PCSK6: variants seen among roughly 807,000 people sequenced by gnomAD.
The protein encoded by PCSK6 is proprotein convertase subtilisin/kexin type 6, also known as paired basic amino acid cleaving enzyme 4.
Under a neutral mutation model 123.3 loss-of-function variants are expected in PCSK6, and 85 were observed. That is an observed-to-expected ratio of 0.69 (90% CI 0.58 to 0.83). PCSK6 has a LOEUF of 0.83. PCSK6 is among the 40% of genes least tolerant of loss of function. The pLI, the probability that PCSK6 is intolerant of heterozygous loss-of-function variation, is 0.00. For missense variants in PCSK6, 1,191 were observed against 1,282.3 expected (o/e 0.93, Z 1.09); for synonymous variants, 508 against 516.0 (o/e 0.98, Z 0.21).
intron 1 of PCSK6, among the ~76,000 whole-genome samples, chr15:101,449,781 G>A (rs1192564470): frequency 6.6e-6 from 1 of 152,164 alleles, no homozygotes; most frequent in East Asian, 1.9e-4. Flanking sequence ...ATACCGAGAA[G>A]ACAGGCCCAG....
At chr15:101,353,850 G>T (rs1024089277) in intron 13 of PCSK6, among the ~76,000 whole-genome samples, 2 of 152,198 alleles carry the variant, frequency 1.3e-5, no homozygotes, top group African/African-American at 2.4e-5. Context: ...CCCCTTCCAG[G>T]CAGGTGAGCT....
At chr15:101,353,007 C>T (rs553647903) in intron 13 of PCSK6, among the ~76,000 whole-genome samples, 2 of 152,246 alleles carry the variant, frequency 1.3e-5, no homozygotes, top group Non-Finnish European at 2.9e-5. Flanking sequence ...AATTCTTCCA[C>T]AGCTGGGGAT....
At chr15:101,347,735 T>G in intron 13 of PCSK6, 1 of 1,613,842 alleles carries the variant, frequency 6.2e-7, no homozygotes, top group Non-Finnish European at 8.5e-7. Context: ...ACCAAAGCTC[T>G]TGTTCAATCT....
chr15:101,468,153 C>T (rs2057511814), intron 1 of PCSK6, among the ~76,000 whole-genome samples: 1 of 152,176 alleles, frequency 6.6e-6, no homozygotes, highest in African/African-American at 2.4e-5. Flanking sequence ...TGCTCTGTGC[C>T]TCAGTTTCCT....
chr15:101,458,060 T>G (rs1397465344), intron 1 of PCSK6, among the ~76,000 whole-genome samples: 1 of 152,176 alleles, frequency 6.6e-6, no homozygotes, highest in African/African-American at 2.4e-5. Context: ...CAGCCACGTT[T>G]TAGGTGGCTT....
rs2042501336 is a variant in PCSK6, at chr15:101,398,875, A to C, written c.824-299T>G. Among the ~76,000 whole-genome samples the C allele has an allele frequency of 6.7e-6, 1 of 149,894 alleles. No individual in the cohort carries two copies. The highest frequency in any genetic ancestry group is 6.7e-5 in the Admixed American group (1 of 14,984). On this transcript the variant is annotated intron_variant, in intron 6 of 21. Coordinates refer to ENST00000611716, the MANE Select transcript of PCSK6 (RefSeq NM_002570.5). This position sits in a 1 kb window ranked among gnomAD's most constrained non-coding sequence, Gnocchi z 4.6. ...CATATTTCTGTTTTTTATTTTAAAA[A>C]ACAAGACCTATTATTATTATTATTA... is the stretch of plus-strand genomic sequence containing the variant.
intron 6 of PCSK6, among the ~76,000 whole-genome samples, chr15:101,417,841 G>T (rs115427258): frequency 6.7e-6 from 1 of 150,338 alleles, no homozygotes; most frequent in African/African-American, 2.4e-5. Context: ...GCAAAAGCCT[G>T]TTTTTTTTTA....
intron 6 of PCSK6, among the ~76,000 whole-genome samples, chr15:101,402,837 T>C (rs2042633403): frequency 6.6e-6 from 1 of 152,112 alleles, no homozygotes; most frequent in South Asian, 2.1e-4. Context: ...TGTAAACTAG[T>C]TCAACCATTG....
At chr15:101,392,381 G>C (rs189541794) in intron 8 of PCSK6, among the ~76,000 whole-genome samples, 3 of 152,344 alleles carry the variant, frequency 2.0e-5, no homozygotes, top group Admixed American at 1.3e-4. Flanking sequence ...CAGGAAGCCT[G>C]TATGCTCCCA....
intron 13 of PCSK6, among the ~76,000 whole-genome samples, chr15:101,352,107 T>TG (rs2040905626): frequency 6.6e-6 from 1 of 151,796 alleles, no homozygotes; most frequent in Admixed American, 6.6e-5. Flanking sequence ...CACTTGAGTT[T>TG]GTCCAAAATA....
intron 6 of PCSK6, among the ~76,000 whole-genome samples, chr15:101,414,138 T>C (rs1439172763): frequency 3.3e-5 from 5 of 152,070 alleles, no homozygotes. Flanking sequence ...GACCATGGGG[T>C]AATACCTTTT....
At chr15:101,414,826 A>G (rs1567204016) in intron 6 of PCSK6, among the ~76,000 whole-genome samples, 1 of 152,232 alleles carries the variant, frequency 6.6e-6, no homozygotes, top group Non-Finnish European at 1.5e-5. Context: ...GATATCTGAA[A>G]TCAGCACATG....
At position 101,309,965 on chromosome 15, in the gene PCSK6, GC is replaced by G. The variant is rs553687896; in HGVS notation, c.2700-2641del. ...CCACCTGCAGTTGCCAACCCAGCAG[GC>G]CTGCGTCCTGACCTGCATGTTCCAA... On this transcript the variant is annotated intron_variant, in intron 20 of 21. Coordinates refer to ENST00000611716, the MANE Select transcript of PCSK6 (RefSeq NM_002570.5). Among the ~76,000 whole-genome samples the G allele has an allele frequency of 6.7e-3, 1,014 of 152,326 alleles. 7 individuals are homozygous for G. Among genetic ancestry groups the G allele is most frequent in the South Asian group, 0.015 (71 of 4,822 alleles).
At chr15:101,391,955 G>A (rs949914508) in intron 8 of PCSK6, among the ~76,000 whole-genome samples, 1 of 152,140 alleles carries the variant, frequency 6.6e-6, no homozygotes, top group African/African-American at 2.4e-5. Flanking sequence ...TATAGCCAAG[G>A]CACGCACACA....
At chr15:101,358,510 G>C (rs534048359) in intron 13 of PCSK6, among the ~76,000 whole-genome samples, 2 of 152,360 alleles carry the variant, frequency 1.3e-5, no homozygotes, top group South Asian at 4.1e-4. Flanking sequence ...CAACTAGCCT[G>C]TGGGCTCCTC....
intron 13 of PCSK6, among the ~76,000 whole-genome samples, chr15:101,348,872 C>T (rs2040817368): frequency 6.6e-6 from 1 of 152,210 alleles, no homozygotes; most frequent in Non-Finnish European, 1.5e-5. Context: ...CGTTCAGGAG[C>T]TCCAGTGTCT....
chr15:101,307,199 C>T lies in PCSK6; in HGVS notation c.2812+14G>A, dbSNP rs760657291. 1 of 1,602,374 alleles carries T rather than the reference C, an allele frequency of 6.2e-7. No homozygotes were observed. Among genetic ancestry groups the T allele is most frequent in the South Asian group, 1.1e-5 (1 of 90,320 alleles). ...CTCCACAGGCAGCCCCAGGGTAACC[C>T]AGCTGCTGCTCACCGTTGCTGCACG... is the stretch of plus-strand genomic sequence containing the variant. On this transcript the variant is annotated intron_variant, in intron 21 of 21. Transcript: ENST00000611716.
rs1412330863 is a variant in PCSK6, at chr15:101,370,371, G to A, written c.1685C>T (p.Ser562Phe). Residue 562 changes from serine (S) to phenylalanine (F), a missense_variant, in exon 12 of 22, where the codon TCT becomes TTT. Around this residue, in one of 3 missense-constraint regions of PCSK6, gnomAD observed 630 missense variants for 631.4 expected, o/e 1.00. Coordinates refer to ENST00000611716, the MANE Select transcript of PCSK6 (RefSeq NM_002570.5). ...RRGDLQIYLV[S>F]PSGTKSQLLA... ...AAGTTGAGACTTGGTTCCCGAGGGAGAAACCAGGTAGATCTGGAGGTCTCC... is the reference window on the plus strand; with the variant it reads ...AAGTTGAGACTTGGTTCCCGAGGGAAAAACCAGGTAGATCTGGAGGTCTCC... 1 of 1,553,648 alleles carries A rather than the reference G, an allele frequency of 6.4e-7. No individual in the cohort carries two copies. Among genetic ancestry groups the A allele is most frequent in the Non-Finnish European group, 8.7e-7 (1 of 1,148,190 alleles).
In PCSK6 at chr15:101,489,563, G is replaced by GGCGCCCCCC. The variant is rs572853288; in HGVS notation, c.99_107dup (p.Ala36_Gly38dup). 653 of 968,222 alleles carry GGCGCCCCCC rather than the reference G, an allele frequency of 6.7e-4. 3 individuals are homozygous for GGCGCCCCCC. The Admixed American group carries it at 7.0e-3, about 10-fold the overall frequency. The allele number at this position is 968,222 out of a possible 1,614,324, so 60.0% of individuals were successfully genotyped here. A position where few individuals can be genotyped will look rare whatever the true frequency, so the allele number is the denominator to read the frequency against. Reference sequence around the variant, plus strand: ...CGAGCGGCCGGAACCCGGGCCCGCCGGCGCCCCCCGCGCCCCCCGCGCCCC... The same window carrying GGCGCCCCCC: ...CGAGCGGCCGGAACCCGGGCCCGCCGGCGCCCCCCGCGCCCCCCGCGCCCCCCGCGCCCC... On this transcript the variant is annotated inframe_insertion, in exon 1 of 22. Coordinates refer to ENST00000611716, the MANE Select transcript of PCSK6 (RefSeq NM_002570.5).
Sources: allele counts gnomAD v4.1 joint callset (sites outside exome capture counted in the v4.1 genomes callset), GRCh38; gene constraint gnomAD v4.1.1; regional missense constraint gnomAD v4.1.1; non-coding constraint Gnocchi (gnomAD v3.1); transcripts MANE v1.5; gene names NCBI Gene and HGNC (gene_info 2026-07-23, HGNC 2026-07-21).